The following EPHB4 variants were observed in gnomAD, a reference collection of about 807,000 sequenced individuals.
EPHB4 encodes ephrin type-B receptor 4.
In EPHB4, 50 loss-of-function variants were observed where a neutral mutation model predicts 110.6. That is an observed-to-expected ratio of 0.45 (90% CI 0.36 to 0.57). EPHB4 has a LOEUF of 0.57. Ranked by LOEUF, EPHB4 falls within the 20% of genes least tolerant of loss-of-function variation. EPHB4 has a pLI of 0.00. For synonymous variants in EPHB4, 592 were observed against 578.4 expected (o/e 1.02, Z -0.34); for missense variants, 1,128 against 1,382.1 (o/e 0.82, Z 2.91).
At chr7:100,818,721 G>A (rs1813146029) in intron 6 of EPHB4, 77 bp from the exon 7 acceptor site, 2 of 1,481,352 alleles carry the variant, frequency 1.4e-6, no homozygotes, top group East Asian at 2.5e-5. Context: ...TTTTTTTTTC[G>A]AGACGGAGTC....
rs1479132738 is a variant in EPHB4, at chr7:100,803,574, C to T, written c.2851G>A (p.Gly951Arg). 3.1e-6 allele frequency: 5 copies of T among 1,605,846 alleles called. No homozygotes were observed. The highest frequency in any genetic ancestry group is 1.3e-5 in the African/African-American group (1 of 74,978). ...QISAEDLLRI[G>R]VTLAGHQKKI... is the part of the protein sequence containing the mutation. ...TTCTGGTGTCCCGCCAGAGTGACTC[C>T]GATTCGGAGCAGGTCCCTGCAGAAG... The change falls in exon 17 of 17, where the codon GGA (glycine) becomes AGA (arginine). Residue 951 changes from glycine (G) to arginine (R), a missense_variant. This residue lies in a region of EPHB4 where 209 missense variants were observed against 240.5 expected (regional missense o/e 0.87). Coordinates refer to ENST00000358173, the MANE Select transcript of EPHB4 (RefSeq NM_004444.5).
chr7:100,825,285 C>G (rs1813349793), intron 1 of EPHB4: 1 of 152,130 alleles, frequency 6.6e-6, no homozygotes, highest in East Asian at 1.9e-4. Context: ...GTGAGAGGCG[C>G]AAGGTCCCCA....
chr7:100,811,278 T>TA (rs5886141), intron 12 of EPHB4, among the ~76,000 whole-genome samples: 47,839 of 139,204 alleles, frequency 0.34, 8,122 homozygotes, highest in Non-Finnish European at 0.4. Flanking sequence ...TTAATAAAGT[T>TA]AAAAAAAAAA....
intron 14 of EPHB4, 146 bp downstream of exon 14, chr7:100,806,274 T>A: frequency 9.4e-7 from 1 of 1,069,076 alleles, no homozygotes; most frequent in East Asian, 2.8e-5. Flanking sequence ...ATCTCAACTC[T>A]TTGATACAAA....
At chr7:100,821,343 T>C (rs1813225990) in intron 4 of EPHB4, 1 of 151,718 alleles carries the variant, frequency 6.6e-6, no homozygotes, top group Non-Finnish European at 1.5e-5. Context: ...TAAAAAGTTT[T>C]TGTAATCCGG....
intron 3 of EPHB4, 143 bp downstream of exon 3, chr7:100,823,501 C>T: frequency 1.8e-6 from 2 of 1,130,508 alleles, no homozygotes; most frequent in Non-Finnish European, 2.5e-6. Flanking sequence ...ACCCCCTTCC[C>T]TCCCCAGACC....
At position 100,823,725 on chromosome 7, in the gene EPHB4, G is replaced by C; in HGVS notation, c.330C>G (p.Thr110=). The change falls in exon 3 of 17, where the codon ACC becomes ACG. Residue 110 remains threonine, a synonymous_variant. Transcript: ENST00000358173. The part of the protein sequence containing the change: ...LPRAGRSCKE[T]FTVFYYESDA... ...CGCTCTCATAGTAGAAGACGGTGAA[G>C]GTCTCCTTGCAGGAGCGCCCAGCCC... 2 of 1,613,658 alleles carry C rather than the reference G, an allele frequency of 1.2e-6. No individual in the cohort carries two copies. The highest frequency in any genetic ancestry group is 1.7e-5 in the Admixed American group (1 of 60,030).
intron 1 of EPHB4, among the ~76,000 whole-genome samples, chr7:100,826,383 G>T (rs1322920177): frequency 6.6e-6 from 1 of 152,148 alleles, no homozygotes; most frequent in Non-Finnish European, 1.5e-5. Context: ...AAGGGATGGG[G>T]TGCAGCCTGT....
In EPHB4 at chr7:100,813,153, C is replaced by T; in HGVS notation, c.1812G>A (p.Arg604=). 7 of 1,610,428 alleles carry T rather than the reference C, an allele frequency of 4.3e-6. No individual in the cohort carries two copies. The highest frequency in any genetic ancestry group is 5.9e-6 in the Non-Finnish European group (7 of 1,180,022). The change falls in exon 11 of 17, where the codon AGG becomes AGA. Residue 604 remains arginine, a synonymous_variant. Coordinates refer to ENST00000358173, the MANE Select transcript of EPHB4 (RefSeq NM_004444.5). ...FTYEDPNEAV[R]EFAKEIDVSY... is the part of the protein sequence containing the mutation. ...AGACATCGATCTCTTTTGCAAATTC[C>T]CTCACAGCCTCATTAGGGTCTTCAT...
At chr7:100,819,533 G>A (rs1813164902) in intron 6 of EPHB4, 24 bp downstream of exon 6, 5 of 1,532,966 alleles carry the variant, frequency 3.3e-6, no homozygotes, top group Non-Finnish European at 4.4e-6. Context: ...CAGACCACCA[G>A]CCGCCCCAGC....
At chr7:100,805,940 C>T in intron 14 of EPHB4, 1 of 415,706 alleles carries the variant, frequency 2.4e-6, no homozygotes, top group Non-Finnish European at 4.2e-6. Flanking sequence ...CCTTCTGCGA[C>T]CCAAATATGC....
At chr7:100,811,545 G>A (rs190192300) in intron 12 of EPHB4, among the ~76,000 whole-genome samples, 9 of 152,062 alleles carry the variant, frequency 5.9e-5, no homozygotes, top group East Asian at 3.9e-4. Context: ...TGACCGGTGC[G>A]TAGAAAGCAC....
At chr7:100,821,525 G>C (rs1182263301) in intron 4 of EPHB4, among the ~76,000 whole-genome samples, 1 of 151,278 alleles carries the variant, frequency 6.6e-6, no homozygotes, top group Non-Finnish European at 1.5e-5. Context: ...CTACTCGGGA[G>C]GCTGAGGCAG....
At chr7:100,813,503 A>C (rs866699227) in intron 10 of EPHB4, 149 bp downstream of exon 10, 13 of 811,130 alleles carry the variant, frequency 1.6e-5, no homozygotes, top group Middle Eastern at 3.8e-4. Context: ...TTTTATAGAG[A>C]TGGAGTTTCA....
In EPHB4 at chr7:100,805,480, C is replaced by T. The variant is rs369484009; in HGVS notation, c.2678+21G>A. 4.4e-5 allele frequency: 67 copies of T among 1,528,566 alleles called. No individual in the cohort carries two copies. In the African/African-American group the frequency reaches 7.9e-4, roughly 18 times the overall value. 94.7% of individuals were successfully genotyped at this position (1,528,566 alleles called of 1,614,324 possible). On this transcript the variant is annotated intron_variant, in intron 15 of 16. Coordinates refer to ENST00000358173, the MANE Select transcript of EPHB4 (RefSeq NM_004444.5). ...TGGGGGCAGAGAGCGGGAAGGAGGG[C>T]CCATTCTCTGCAGTCCTCACCCGCC... is the stretch of plus-strand genomic sequence containing the variant.
intron 8 of EPHB4, among the ~76,000 whole-genome samples, chr7:100,815,501 G>T (rs909648368): frequency 3.3e-5 from 5 of 152,144 alleles, no homozygotes; most frequent in Admixed American, 3.3e-4. Flanking sequence ...ATCTGGGTGG[G>T]GGGTGATGGC....
intron 4 of EPHB4, among the ~76,000 whole-genome samples, chr7:100,820,658 T>A (rs944727081): frequency 6.6e-6 from 1 of 152,058 alleles, no homozygotes; most frequent in Non-Finnish European, 1.5e-5. Context: ...CTCCAACTTA[T>A]GATTTTAAAA....
intron 5 of EPHB4, 57 bp downstream of exon 5, chr7:100,820,084 A>AC: frequency 6.3e-7 from 1 of 1,580,030 alleles, no homozygotes; most frequent in Non-Finnish European, 8.6e-7. Flanking sequence ...GTGAGGGTCC[A>AC]CCTCAGAGGT....
At position 100,823,907 on chromosome 7, in the gene EPHB4, C is replaced by T; in HGVS notation, c.148G>A (p.Glu50Lys). The change falls in exon 3 of 17, where the codon GAG becomes AAG. Residue 50 changes from glutamate (E) to lysine (K), a missense_variant. This residue lies in a region of EPHB4 where 728 missense variants were observed against 828.6 expected (regional missense o/e 0.88). Coordinates refer to ENST00000358173, the MANE Select transcript of EPHB4 (RefSeq NM_004444.5). ...TAGGTGCGCACGCTGTGCTGTTCCT[C>T]ATCCAGGCCGCTCAGTTCCTCCCAC... ...GQWEELSGLD[E>K]EQHSVRTYEV... The T allele has an allele frequency of 1.9e-6, 3 of 1,597,216 alleles. No individual in the cohort carries two copies. Among genetic ancestry groups the T allele is most frequent in the Non-Finnish European group, 2.6e-6 (3 of 1,171,772 alleles).
Sources: allele counts gnomAD v4.1 joint callset (sites outside exome capture counted in the v4.1 genomes callset), GRCh38; gene constraint gnomAD v4.1.1; regional missense constraint gnomAD v4.1.1; transcripts MANE v1.5; gene names NCBI Gene and HGNC (gene_info 2026-07-23, HGNC 2026-07-21).